The following GRIP1 variants were observed in gnomAD, a reference collection of about 807,000 sequenced individuals.
GRIP1 encodes glutamate receptor interacting protein 1.
A neutral mutation model predicts 129.9 loss-of-function variants in GRIP1; 45 were observed. That is an observed-to-expected ratio of 0.35 (90% confidence interval 0.27 to 0.44). The LOEUF (loss-of-function observed/expected upper bound fraction) is 0.44, where lower values mean the gene tolerates loss of function less well. Ranked by LOEUF, GRIP1 falls within the 20% of genes least tolerant of loss-of-function variation. The pLI, the probability that GRIP1 is intolerant of heterozygous loss-of-function variation, is 1.00. For missense variants in GRIP1, 1,196 were observed against 1,396.8 expected, an observed-to-expected ratio of 0.86 and a Z score of 2.29; for synonymous variants, 530 against 520.8, an observed-to-expected ratio of 1.02 and a Z score of -0.24.
At chr12:66,385,077 G>GA (rs1354484611) in intron 19 of GRIP1, among the ~76,000 whole-genome samples, 1 of 152,054 alleles carries the variant, frequency 6.6e-6, no homozygotes, top group Non-Finnish European at 1.5e-5. Context: ...CCAGGCGTAA[G>GA]AAAAAATCAA....
intron 1 of GRIP1, among the ~76,000 whole-genome samples, chr12:66,752,475 G>T (rs543394142): frequency 2.0e-5 from 3 of 152,150 alleles, no homozygotes; most frequent in Admixed American, 6.5e-5. Flanking sequence ...TCCAAGGACA[G>T]TCATACATTT....
At chr12:66,646,920 T>C (rs1313868843) in intron 1 of GRIP1, among the ~76,000 whole-genome samples, 1 of 152,230 alleles carries the variant, frequency 6.6e-6, no homozygotes, top group Non-Finnish European at 1.5e-5. Context: ...TAGACCTCTC[T>C]ATTCTCACCT....
At chr12:66,377,137 T>C in intron 21 of GRIP1, 37 bp downstream of exon 21, 1 of 1,563,216 alleles carries the variant, frequency 6.4e-7, no homozygotes, top group Non-Finnish European at 8.8e-7. Flanking sequence ...AAAATGAATG[T>C]AGAAACAATA....
Position 66,710,983 on chromosome 12 carries a change from C to T in GRIP1, c.-419-80647G>A, listed in dbSNP as rs1490627341. On this transcript the variant is annotated intron_variant, in intron 1 of 4. Transcript: ENST00000538373. ...ACTAGATAATATGGTATGTTTGGCTCGGATATGGTAGATTTGTCTTCAGGC... is the reference window on the plus strand; with the variant it reads ...ACTAGATAATATGGTATGTTTGGCTTGGATATGGTAGATTTGTCTTCAGGC... Among the ~76,000 whole-genome samples, 9 of 151,616 alleles carry T rather than the reference C, an allele frequency of 5.9e-5. 1 individual carries two copies. The South Asian group carries it at 8.3e-4, about 14-fold the overall frequency.
chr12:66,654,610 C>T (rs979368874), intron 1 of GRIP1, among the ~76,000 whole-genome samples: 1 of 152,110 alleles, frequency 6.6e-6, no homozygotes, highest in African/African-American at 2.4e-5. Context: ...AGAAGTTGAA[C>T]TTGATTTCTA....
At position 66,970,328 on chromosome 12, in the gene GRIP1, C is replaced by T. The variant is rs61173789; in HGVS notation, c.58+98722G>A. On this transcript the variant is annotated intron_variant, in intron 1 of 1. Transcript: ENST00000643019. Reference sequence around the variant, plus strand: ...AACTTCTAGCCTCAAGTCATCTGTCCACCTTGGCTTCCCAAAGTGCTAGAA... The same window carrying T: ...AACTTCTAGCCTCAAGTCATCTGTCTACCTTGGCTTCCCAAAGTGCTAGAA... 8.8e-3 allele frequency among the ~76,000 whole-genome samples: 1,336 copies of T among 152,232 alleles called. 57 individuals carry two copies. The East Asian group carries it at 0.11, about 13-fold the overall frequency.
chr12:66,652,642 G>C lies in GRIP1; in HGVS notation c.55+26208C>G, dbSNP rs574046750. ...GGTCATATTAGTCTGCTAATGACTA[G>C]AGCCAACAAATAGAGGTAGACGCTC... On this transcript the variant is annotated intron_variant, in intron 1 of 24. Coordinates refer to ENST00000359742, the MANE Select transcript of GRIP1 (RefSeq NM_001366722.1). 1.1e-3 allele frequency among the ~76,000 whole-genome samples: 174 copies of C among 152,306 alleles called. 1 individual carries two copies. The highest frequency in any genetic ancestry group is 3.7e-3 in the African/African-American group (153 of 41,556).
At chr12:66,856,658 CA>C (rs1214392439) in intron 1 of GRIP1, among the ~76,000 whole-genome samples, 2 of 151,598 alleles carry the variant, frequency 1.3e-5, no homozygotes, top group African/African-American at 2.4e-5. Context: ...AAATGCAAAT[CA>C]AAACCACAAT....
At chr12:66,352,282 G>A (rs1453376667) in intron 24 of GRIP1, among the ~76,000 whole-genome samples, 1 of 152,156 alleles carries the variant, frequency 6.6e-6, no homozygotes, top group Non-Finnish European at 1.5e-5. Flanking sequence ...GGTTTAAGTC[G>A]CAGCATGTGA....
At chr12:66,979,222 TAAAAAAAAAAAAAA>T (rs35306665) in intron 1 of GRIP1, among the ~76,000 whole-genome samples, 30 of 41,458 alleles carry the variant, frequency 7.2e-4, no homozygotes, top group South Asian at 3.1e-3. Context: ...CTTCTCTTCT[TAAAAAAAAAAAAAA>T]AAAAAAAAAA....
At chr12:66,766,601 C>G (rs965752962) in intron 1 of GRIP1, among the ~76,000 whole-genome samples, 4 of 152,166 alleles carry the variant, frequency 2.6e-5, no homozygotes, top group African/African-American at 7.2e-5. Context: ...AAATGGCTGC[C>G]CTGTGAGGAA....
intron 23 of GRIP1, among the ~76,000 whole-genome samples, chr12:66,357,788 A>C (rs2054563742): frequency 6.6e-6 from 1 of 152,190 alleles, no homozygotes; most frequent in Non-Finnish European, 1.5e-5. Flanking sequence ...CAAAACAGGG[A>C]ATTTGTTCAC....
At chr12:66,582,120 TA>T (rs2063410560) in intron 2 of GRIP1, among the ~76,000 whole-genome samples, 1 of 152,026 alleles carries the variant, frequency 6.6e-6, no homozygotes, top group African/African-American at 2.4e-5. Flanking sequence ...TCAATAAATG[TA>T]ATCCAGCATA....
At chr12:67,053,414 T>C (rs943850735) in intron 1 of GRIP1, among the ~76,000 whole-genome samples, 7 of 152,248 alleles carry the variant, frequency 4.6e-5, no homozygotes, top group African/African-American at 1.4e-4. Flanking sequence ...TCTTGACCCA[T>C]GGCAGGCAAT....
chr12:66,711,283 T>A (rs1216609838), intron 1 of GRIP1, among the ~76,000 whole-genome samples: 1 of 151,940 alleles, frequency 6.6e-6, no homozygotes, highest in Non-Finnish European at 1.5e-5. Context: ...AACAAACTTC[T>A]TAAAAATGAA....
chr12:67,048,596 A>T (rs1372151061), intron 1 of GRIP1, among the ~76,000 whole-genome samples: 4 of 151,938 alleles, frequency 2.6e-5, no homozygotes, highest in Non-Finnish European at 5.9e-5. Context: ...AATAGCTGGG[A>T]CTAAAGGCAC....
intron 4 of GRIP1, among the ~76,000 whole-genome samples, chr12:66,536,523 G>A (rs1254931568): frequency 2.6e-5 from 4 of 151,938 alleles, no homozygotes; most frequent in African/African-American, 9.7e-5. Context: ...TCATTCTTCC[G>A]GGAACTCTTT....
intron 1 of GRIP1, among the ~76,000 whole-genome samples, chr12:66,706,790 CT>C (rs1449372189): frequency 6.6e-6 from 1 of 152,052 alleles, no homozygotes; most frequent in African/African-American, 2.4e-5. Context: ...ACCACATGCT[CT>C]CACTCAAAAG....
At chr12:66,401,609 T>TATATATATACACAC (rs1169241331) in intron 16 of GRIP1, among the ~76,000 whole-genome samples, 19 of 110,190 alleles carry the variant, frequency 1.7e-4, no homozygotes, top group East Asian at 1.5e-3. Context: ...TATATATATA[T>TATATATATACACAC]ACACACACAC....
Sources: gnomAD v4.1 joint callset for allele counts (sites outside exome capture counted in the v4.1 genomes callset) on GRCh38, gnomAD v4.1.1 for gene constraint, MANE v1.5 for transcripts, NCBI Gene and HGNC (gene_info 2026-07-23, HGNC 2026-07-21) for gene names.